Variants in SLC24A2 observed in about 807,000 individuals in gnomAD.
SLC24A2 encodes solute carrier family 24 member 2.
SLC24A2 carries 36 observed loss-of-function variants against 62.0 expected under a neutral mutation model. The ratio of observed to expected loss-of-function variants is 0.58; its 90% CI spans 0.44 to 0.77. The LOEUF is 0.77. Among genes scored for constraint, SLC24A2 ranks in the 30% least tolerant of loss-of-function variants. The probability of loss-of-function intolerance (pLI) is 0.00; values close to 1 mark genes in which losing one functional copy is unlikely to be tolerated. For synonymous variants in SLC24A2, 358 were observed against 294.0 expected, an observed-to-expected ratio of 1.22 and a Z score of -2.23; for missense variants, 846 against 817.9, an observed-to-expected ratio of 1.03 and a Z score of -0.42.
chr9:19,930,182 C>A, the SLC24A2 span, among the ~76,000 whole-genome samples: 4 of 152,174 alleles, frequency 2.6e-5, no homozygotes, highest in African/African-American at 9.7e-5. Flanking sequence ...TTCACATTTA[C>A]TTATCACTCA....
chr9:20,191,639 G>A, the SLC24A2 span, among the ~76,000 whole-genome samples: 1 of 151,308 alleles, frequency 6.6e-6, no homozygotes, highest in African/African-American at 2.4e-5. Context: ...AATGTTCAGT[G>A]TGGCCTCCTT....
chr9:20,196,785 T>C, the SLC24A2 span, among the ~76,000 whole-genome samples: 7 of 152,304 alleles, frequency 4.6e-5, no homozygotes, highest in East Asian at 1.3e-3. Context: ...GTGGAAAAGT[T>C]GAAAACATGA....
At chr9:19,762,982 C>G (rs547161635) in intron 2 of SLC24A2, among the ~76,000 whole-genome samples, 147 of 152,112 alleles carry the variant, frequency 9.7e-4, no homozygotes, top group Middle Eastern at 3.4e-3. Flanking sequence ...TGTTTGAGTC[C>G]TCTCTTATTT....
the SLC24A2 span, among the ~76,000 whole-genome samples, chr9:20,130,291 A>AT: frequency 6.6e-6 from 1 of 152,070 alleles, no homozygotes; most frequent in Non-Finnish European, 1.5e-5. Flanking sequence ...CAAGAAATAA[A>AT]TGAATGAAAT....
At chr9:19,834,274 T>C in the SLC24A2 span, among the ~76,000 whole-genome samples, 1 of 151,876 alleles carries the variant, frequency 6.6e-6, no homozygotes, top group Non-Finnish European at 1.5e-5. Flanking sequence ...ATCAAACTAC[T>C]CTGAGCTAAA....
chr9:20,242,154 C>G, the SLC24A2 span, among the ~76,000 whole-genome samples: 355 of 152,298 alleles, frequency 2.3e-3, 1 homozygote, highest in Non-Finnish European at 3.5e-3. Context: ...TCCTGCCCCC[C>G]ACAGTCCCCA....
the SLC24A2 span, among the ~76,000 whole-genome samples, chr9:19,854,046 C>T: frequency 2.0e-3 from 297 of 152,068 alleles, 4 homozygotes; most frequent in African/African-American, 5.8e-3. Flanking sequence ...TGTATGTGTC[C>T]AGGAATTTAT....
chr9:19,809,503 A>G, the SLC24A2 span, among the ~76,000 whole-genome samples: 2 of 152,104 alleles, frequency 1.3e-5, no homozygotes, highest in Non-Finnish European at 2.9e-5. Flanking sequence ...TTTAATGAAA[A>G]GCAGCCCCAA....
chr9:20,257,775 G>A, the SLC24A2 span, among the ~76,000 whole-genome samples: 1 of 152,270 alleles, frequency 6.6e-6, no homozygotes, highest in African/African-American at 2.4e-5. Context: ...GAAATGACCT[G>A]GCACATAGCA....
chr9:19,846,476 G>A, the SLC24A2 span, among the ~76,000 whole-genome samples: 1 of 152,096 alleles, frequency 6.6e-6, no homozygotes, highest in Non-Finnish European at 1.5e-5. Context: ...CTGATCCTAT[G>A]GGTGTAATTA....
the SLC24A2 span, among the ~76,000 whole-genome samples, chr9:20,235,299 G>T: frequency 6.6e-6 from 1 of 152,230 alleles, no homozygotes; most frequent in Non-Finnish European, 1.5e-5. Flanking sequence ...CTGTCTTTTT[G>T]TTTGTCTGTG....
At chr9:19,979,014 C>T in the SLC24A2 span, among the ~76,000 whole-genome samples, 21 of 152,084 alleles carry the variant, frequency 1.4e-4, no homozygotes, top group Admixed American at 2.0e-4. Context: ...GTGTGTGCTC[C>T]GTCTTTTTTA....
chr9:20,094,797 T>G, the SLC24A2 span, among the ~76,000 whole-genome samples: 2 of 152,146 alleles, frequency 1.3e-5, no homozygotes, highest in African/African-American at 4.8e-5. Context: ...AAATGACCAG[T>G]GTATGATGTT....
the SLC24A2 span, among the ~76,000 whole-genome samples, chr9:20,162,948 T>C: frequency 6.6e-6 from 1 of 152,056 alleles, no homozygotes; most frequent in Non-Finnish European, 1.5e-5. Context: ...TGATAAAAAC[T>C]CTCAATAAAT....
chr9:20,167,821 G>A, the SLC24A2 span, among the ~76,000 whole-genome samples: 1 of 151,722 alleles, frequency 6.6e-6, no homozygotes, highest in Non-Finnish European at 1.5e-5. Context: ...TTGGCCTCAA[G>A]CAATCCTCCC....
At chr9:19,824,186 AC>A in the SLC24A2 span, among the ~76,000 whole-genome samples, 1 of 152,200 alleles carries the variant, frequency 6.6e-6, no homozygotes, top group Non-Finnish European at 1.5e-5. Flanking sequence ...ATCTAATTAA[AC>A]TAAAGAGCTT....
the SLC24A2 span, among the ~76,000 whole-genome samples, chr9:19,805,501 TG>T: frequency 6.6e-6 from 1 of 152,172 alleles, no homozygotes; most frequent in Admixed American, 6.5e-5. Context: ...AACATACATA[TG>T]GTTGATTCTG....
At chr9:20,218,245 T>C in the SLC24A2 span, among the ~76,000 whole-genome samples, 3 of 152,210 alleles carry the variant, frequency 2.0e-5, no homozygotes, top group Non-Finnish European at 2.9e-5. Context: ...CATCAAAATA[T>C]TCATGGGTTC....
the SLC24A2 span, among the ~76,000 whole-genome samples, chr9:20,056,505 T>C: frequency 2.0e-5 from 3 of 152,226 alleles, no homozygotes; most frequent in Non-Finnish European, 4.4e-5. Context: ...TCTTACAGTG[T>C]TGATCATCTT....
Sources: gnomAD v4.1 joint callset for allele counts (sites outside exome capture counted in the v4.1 genomes callset) on GRCh38, gnomAD v4.1.1 for gene constraint, MANE v1.5 for transcripts, NCBI Gene and HGNC (gene_info 2026-07-23, HGNC 2026-07-21) for gene names.